The following DDX46 variants were observed in gnomAD, a reference collection of about 807,000 sequenced individuals.
DDX46 encodes the protein probable ATP-dependent RNA helicase DDX46.
DDX46 carries 30 observed loss-of-function variants against 134.9 expected under a neutral mutation model. The ratio of observed to expected loss-of-function variants is 0.22; its 90% CI spans 0.17 to 0.30. The LOEUF (loss-of-function observed/expected upper bound fraction) is 0.30. Among genes scored for constraint, DDX46 ranks in the 10% least tolerant of loss-of-function variants. DDX46 has a pLI of 1.00. For synonymous variants in DDX46, 415 were observed against 404.1 expected (o/e 1.03, Z -0.32); for missense variants, 622 against 1,248.7 (o/e 0.50, Z 7.56).
intron 6 of DDX46, among the ~76,000 whole-genome samples, chr5:134,780,568 A>AATC (rs1561857997): frequency 4.3e-4 from 58 of 134,910 alleles, no homozygotes; most frequent in African/African-American, 1.8e-3. Context: ...TTATCTCAAT[A>AATC]AATAAATAAA....
At position 134,818,953 on chromosome 5, in the gene DDX46, C is replaced by T. The variant is rs756754322; in HGVS notation, c.2926C>T (p.Pro976Ser). 1.2e-6 allele frequency: 2 copies of T among 1,614,028 alleles called. No homozygotes were observed. The highest frequency in any genetic ancestry group is 1.3e-5 in the African/African-American group (1 of 75,038). Reference protein sequence around the residue: ...AITIRGTYFPPGKEPKEGERK... With the variant: ...AITIRGTYFPSGKEPKEGERK... ...TACAATCAGAGGAACCTACTTCCCT[C>T]CTGGCAAAGAACCCAAGGAAGGCGA... The change falls in exon 21 of 23, where the codon CCT (proline) becomes TCT (serine). Residue 976 changes from proline to serine, a missense_variant. Coordinates refer to ENST00000452510, the MANE Select transcript of DDX46 (RefSeq NM_001300860.2).
chr5:134,767,097 T>C, intron 3 of DDX46, 37 bp downstream of exon 3: 1 of 1,557,818 alleles, frequency 6.4e-7, no homozygotes, highest in Non-Finnish European at 8.6e-7. Context: ...TAGTGCAGAC[T>C]GGGGACTGCT....
intron 12 of DDX46, 160 bp from the exon 13 acceptor site, chr5:134,790,310 C>T (rs1754465445): frequency 1.6e-6 from 1 of 642,278 alleles, no homozygotes; most frequent in Admixed American, 2.9e-5. Flanking sequence ...CATTGTAGAT[C>T]AAAATTTCTT....
chr5:134,810,966 A>G (rs896416320), intron 16 of DDX46, among the ~76,000 whole-genome samples: 4 of 152,132 alleles, frequency 2.6e-5, no homozygotes, highest in African/African-American at 7.2e-5. Context: ...AAACTGCGCC[A>G]CTGCACTCCA....
chr5:134,774,115 A>G (rs1264205580), intron 5 of DDX46, among the ~76,000 whole-genome samples: 2 of 152,062 alleles, frequency 1.3e-5, no homozygotes, highest in Admixed American at 1.3e-4. Flanking sequence ...TAACTCTATG[A>G]CGCCTTTTCT....
At chr5:134,807,265 C>T (rs1464550672) in intron 15 of DDX46, among the ~76,000 whole-genome samples, 2 of 151,322 alleles carry the variant, frequency 1.3e-5, no homozygotes, top group Non-Finnish European at 2.9e-5. Context: ...CATGATCTGC[C>T]CGCCTCGGCC....
Position 134,830,486 on chromosome 5 carries a change from T to G in DDX46, c.*1780T>G, listed in dbSNP as rs1449311368. ...TGAAGAGACTTTCATTCTTTAAATA[T>G]TATTGACTTACAGTTTAAAAATAAA... On this transcript the variant is annotated 3_prime_UTR_variant, in exon 23 of 23. Coordinates refer to ENST00000452510, the MANE Select transcript of DDX46 (RefSeq NM_001300860.2). 6.6e-6 allele frequency: 1 copy of G among 152,186 alleles called. No individual in the cohort carries two copies. The highest frequency in any genetic ancestry group is 1.5e-5 in the Non-Finnish European group (1 of 68,034). The allele number at this position is 152,186 out of a possible 1,614,324, so 9.4% of individuals were successfully genotyped here.
intron 21 of DDX46, among the ~76,000 whole-genome samples, chr5:134,821,772 G>T (rs1341928044): frequency 6.6e-6 from 1 of 150,600 alleles, no homozygotes; most frequent in African/African-American, 2.4e-5. Context: ...GGCCAGGATG[G>T]TCTCAATCTC....
chr5:134,778,160 A>T (rs1024424421), intron 6 of DDX46, among the ~76,000 whole-genome samples: 2 of 151,766 alleles, frequency 1.3e-5, no homozygotes, highest in African/African-American at 2.4e-5. Context: ...CTGGAACTAC[A>T]TGTGTGCACC....
chr5:134,774,833 A>G (rs1753884353), intron 5 of DDX46, among the ~76,000 whole-genome samples: 1 of 152,042 alleles, frequency 6.6e-6, no homozygotes. Context: ...AGTAGCCACC[A>G]TGCCTGGCTA....
At chr5:134,806,843 G>C (rs1376353029) in intron 15 of DDX46, among the ~76,000 whole-genome samples, 1 of 152,060 alleles carries the variant, frequency 6.6e-6, no homozygotes, top group African/African-American at 2.4e-5. Flanking sequence ...TGTGGTCTGG[G>C]CATGTCGTAA....
At chr5:134,790,375 T>C (rs1754466571) in intron 12 of DDX46, 95 bp from the exon 13 acceptor site, 2 of 1,124,014 alleles carry the variant, frequency 1.8e-6, no homozygotes, top group South Asian at 3.0e-5. Context: ...GCATTTTAGT[T>C]TCCTTTACAG....
At chr5:134,810,395 T>C (rs1243779767) in intron 16 of DDX46, among the ~76,000 whole-genome samples, 1 of 151,718 alleles carries the variant, frequency 6.6e-6, no homozygotes, top group African/African-American at 2.4e-5. Flanking sequence ...CTGGAGTGCA[T>C]TGGCGCCATC....
intron 3 of DDX46, among the ~76,000 whole-genome samples, chr5:134,768,075 A>T (rs1002162114): frequency 6.6e-6 from 1 of 151,974 alleles, no homozygotes; most frequent in African/African-American, 2.4e-5. Flanking sequence ...TGGTAATTTG[A>T]TAGATGACAG....
At chr5:134,807,092 C>T (rs540368057) in intron 15 of DDX46, among the ~76,000 whole-genome samples, 4 of 147,830 alleles carry the variant, frequency 2.7e-5, no homozygotes, top group South Asian at 2.1e-4. Context: ...CATGCTCTGT[C>T]GCCTGGGCTG....
chr5:134,827,122 A>T, intron 22 of DDX46, 102 bp downstream of exon 22: 2 of 1,205,380 alleles, frequency 1.7e-6, no homozygotes, highest in Non-Finnish European at 2.3e-6. Context: ...TAGTTTGATG[A>T]ATTTTCACAA....
intron 16 of DDX46, among the ~76,000 whole-genome samples, chr5:134,810,466 A>G (rs1384056526): frequency 1.3e-5 from 2 of 151,416 alleles, no homozygotes; most frequent in Non-Finnish European, 2.9e-5. Flanking sequence ...CAGCCTCCCA[A>G]GTAGTTGGGA....
At chr5:134,767,169 A>G (rs536837123) in intron 3 of DDX46, 109 bp downstream of exon 3, 3 of 1,362,770 alleles carry the variant, frequency 2.2e-6, no homozygotes, top group South Asian at 1.6e-5. Context: ...AATTAACTGC[A>G]TTTGGCTCCT....
intron 2 of DDX46, 23 bp from the exon 3 acceptor site, chr5:134,766,894 A>G: frequency 1.2e-6 from 2 of 1,601,560 alleles, no homozygotes; most frequent in Non-Finnish European, 1.7e-6. Flanking sequence ...TCATAGAATA[A>G]ATGAAAAGTG....
Sources: allele counts gnomAD v4.1 joint callset (sites outside exome capture counted in the v4.1 genomes callset), GRCh38; gene constraint gnomAD v4.1.1; transcripts MANE v1.5; gene names NCBI Gene and HGNC (gene_info 2026-07-23, HGNC 2026-07-21).